Variants in FAM107B observed in about 807,000 individuals in gnomAD.
The protein encoded by FAM107B is protein FAM107B.
A neutral mutation model predicts 31.5 loss-of-function variants in FAM107B; 21 were observed. The ratio of observed to expected loss-of-function variants is 0.67; its 90% CI spans 0.47 to 0.96. FAM107B has a LOEUF of 0.96. Among genes scored for constraint, FAM107B ranks in the 40% least tolerant of loss-of-function variants. The pLI is 0.00. For missense variants in FAM107B, 452 were observed against 377.1 expected (o/e 1.20, Z -1.64); for synonymous variants, 157 against 141.5 (o/e 1.11, Z -0.78).
intron 1 of FAM107B, among the ~76,000 whole-genome samples, chr10:14,721,163 AG>A (rs1486785616): frequency 1.3e-5 from 2 of 152,178 alleles, no homozygotes; most frequent in African/African-American, 4.8e-5. Context: ...GTCCCTACAA[AG>A]GACATGAACT....
At chr10:14,697,455 G>T (rs1387662382) in intron 1 of FAM107B, among the ~76,000 whole-genome samples, 1 of 152,224 alleles carries the variant, frequency 6.6e-6, no homozygotes, top group Non-Finnish European at 1.5e-5. Context: ...GCTAGCCCAG[G>T]AATTAATTGT....
At chr10:14,740,170 C>A (rs564487956) in intron 1 of FAM107B, among the ~76,000 whole-genome samples, 1 of 152,130 alleles carries the variant, frequency 6.6e-6, no homozygotes, top group African/African-American at 2.4e-5. Flanking sequence ...TTTATAGAAG[C>A]GATATTCATA....
At chr10:14,668,314 G>A (rs1251168818) in intron 1 of FAM107B, among the ~76,000 whole-genome samples, 4 of 152,042 alleles carry the variant, frequency 2.6e-5, no homozygotes, top group African/African-American at 4.8e-5. Flanking sequence ...AAGTGCTGGG[G>A]TTCCAGGAGT....
chr10:14,657,024 C>T lies in FAM107B; in HGVS notation c.469+10610G>A, dbSNP rs143880332. ...TGTCAAGGCTAAACAGCTTGCTGCA[C>T]AGGTGCAGCTCAGCTCCTCTTTAAG... On this transcript the variant is annotated intron_variant, in intron 2 of 4. Transcript: ENST00000181796. Among the ~76,000 whole-genome samples, 716 of 152,344 alleles carry T rather than the reference C, an allele frequency of 4.7e-3. 6 individuals carry two copies. Among genetic ancestry groups the T allele is most frequent in the African/African-American group, 0.017 (692 of 41,572 alleles).
At position 14,660,620 on chromosome 10, in the gene FAM107B, CTT is replaced by C. The variant is rs565863909; in HGVS notation, c.469+7012_469+7013del. Among the ~76,000 whole-genome samples the C allele has an allele frequency of 4.3e-4, 66 of 152,320 alleles. No individual in the cohort carries two copies. In the South Asian group the frequency reaches 0.013, roughly 30 times the overall value. On this transcript the variant is annotated intron_variant, in intron 2 of 4. Transcript: ENST00000181796. Reference sequence around the variant, plus strand: ...CTGTATGTCACCTACAAACCTGAGTCTTTGTGCTAAAATTGTTCAAATATTCA... The same window carrying C: ...CTGTATGTCACCTACAAACCTGAGTCTGTGCTAAAATTGTTCAAATATTCA...
chr10:14,570,232 G>GT (rs770051567), intron 2 of FAM107B, among the ~76,000 whole-genome samples: 28 of 108,730 alleles, frequency 2.6e-4, no homozygotes, highest in East Asian at 1.4e-3. Context: ...AAAATGTGGT[G>GT]GGTGTGTGTG....
At chr10:14,642,159 G>C (rs1853644390) in intron 2 of FAM107B, among the ~76,000 whole-genome samples, 1 of 152,190 alleles carries the variant, frequency 6.6e-6, no homozygotes, top group African/African-American at 2.4e-5. Context: ...ACCTAGCAAG[G>C]CAAATCCTAT....
At chr10:14,627,650 G>A (rs946010986) in intron 2 of FAM107B, among the ~76,000 whole-genome samples, 5 of 152,300 alleles carry the variant, frequency 3.3e-5, no homozygotes, top group Admixed American at 1.3e-4. Context: ...GAGCACACCT[G>A]TAGTTCCAGC....
chr10:14,768,407 A>C (rs1343635547), intron 1 of FAM107B, among the ~76,000 whole-genome samples: 1 of 152,214 alleles, frequency 6.6e-6, no homozygotes, highest in African/African-American at 2.4e-5. Flanking sequence ...TCACTACAAA[A>C]CTACAGTAAT....
chr10:14,774,871 T>C lies in FAM107B; in HGVS notation c.-208A>G. ...GGGGCCCCTTTGAAAGTGTCCATCC[T>C]GGGCAATTTCGCGCTCTTCCTTCTG... On this transcript the variant is annotated 5_prime_UTR_variant, in exon 1 of 5. Transcript: ENST00000181796. 1 of 590,948 alleles carries C rather than the reference T, an allele frequency of 1.7e-6. No individual in the cohort carries two copies. Among genetic ancestry groups the C allele is most frequent in the East Asian group, 2.9e-5 (1 of 34,722 alleles). 36.6% of individuals were successfully genotyped at this position (590,948 alleles called of 1,614,324 possible). A position where few individuals can be genotyped will look rare whatever the true frequency, so the allele number is the denominator to read the frequency against.
chr10:14,723,351 G>A (rs1855956935), intron 1 of FAM107B: 3 of 545,490 alleles, frequency 5.5e-6, no homozygotes, highest in Non-Finnish European at 1.1e-5. Flanking sequence ...GTGAACTCAG[G>A]TGCTGGAGCA....
intron 1 of FAM107B, among the ~76,000 whole-genome samples, chr10:14,769,168 C>A (rs184128618): frequency 8.9e-4 from 136 of 152,234 alleles, no homozygotes; most frequent in African/African-American, 3.1e-3. Context: ...CAGAGAAAGC[C>A]GACTGACAAA....
At chr10:14,571,996 G>A (rs1431906099) in intron 2 of FAM107B, 2 of 985,262 alleles carry the variant, frequency 2.0e-6, no homozygotes, top group Non-Finnish European at 2.4e-6. Context: ...TGCACCTTCT[G>A]ACTGTGGTAG....
intron 2 of FAM107B, chr10:14,571,965 A>G: frequency 4.1e-6 from 4 of 985,442 alleles, no homozygotes; most frequent in Non-Finnish European, 4.8e-6. Context: ...AAGGTAGCAA[A>G]TAAAAAGATC....
chr10:14,612,242 A>C (rs909206609), intron 2 of FAM107B, among the ~76,000 whole-genome samples: 12 of 152,268 alleles, frequency 7.9e-5, no homozygotes, highest in African/African-American at 2.2e-4. Flanking sequence ...TGTTCAAGTA[A>C]TAACATTCTT....
chr10:14,678,687 G>C (rs897030801), intron 1 of FAM107B, among the ~76,000 whole-genome samples: 1 of 152,102 alleles, frequency 6.6e-6, no homozygotes, highest in Admixed American at 6.6e-5. Context: ...GAACATGCAC[G>C]ATAAATAGGA....
At chr10:14,530,998 T>C (rs1846924817) in intron 2 of FAM107B, among the ~76,000 whole-genome samples, 1 of 152,206 alleles carries the variant, frequency 6.6e-6, no homozygotes, top group Non-Finnish European at 1.5e-5. Context: ...ATTTCACTGA[T>C]GGTTATTGGT....
intron 2 of FAM107B, chr10:14,556,280 A>C (rs926307784): frequency 4.3e-5 from 39 of 912,682 alleles, no homozygotes; most frequent in Non-Finnish European, 5.1e-5. Flanking sequence ...GAAGGCCAGT[A>C]ATTTGATATC....
intron 1 of FAM107B, among the ~76,000 whole-genome samples, chr10:14,753,014 A>G (rs571802782): frequency 6.6e-6 from 1 of 152,310 alleles, no homozygotes; most frequent in South Asian, 2.1e-4. Flanking sequence ...GAGTAATTTT[A>G]TCCACTAAGT....
Sources: allele counts gnomAD v4.1 joint callset (sites outside exome capture counted in the v4.1 genomes callset), GRCh38; gene constraint gnomAD v4.1.1; transcripts MANE v1.5; gene names NCBI Gene and HGNC (gene_info 2026-07-23, HGNC 2026-07-21).